Variants in TEX11 observed in about 807,000 individuals in gnomAD.
TEX11 encodes the protein testis-expressed protein 11.
TEX11 carries 7 observed loss-of-function variants against 84.4 expected under a neutral mutation model. That is an observed-to-expected ratio of 0.08 (90% CI 0.05 to 0.16). The LOEUF (loss-of-function observed/expected upper bound fraction) is 0.16. TEX11 is among the 10% of genes least tolerant of loss of function. The probability of loss-of-function intolerance (pLI) is 1.00; values close to 1 mark genes in which losing one functional copy is unlikely to be tolerated. For synonymous variants in TEX11, 264 were observed against 222.8 expected (o/e 1.18, Z -1.64); for missense variants, 551 against 660.5 (o/e 0.83, Z 1.82).
chrX:70,629,701 T>C lies in TEX11; in HGVS notation c.1518A>G (p.Leu506=), dbSNP rs747503107. 2.5e-6 allele frequency: 3 copies of C among 1,183,767 alleles called. No individual in the cohort carries two copies. In the East Asian group the frequency reaches 9.0e-5, roughly 35 times the overall value. ...CATTATCTTCTGACTCTTCATCTGT[T>C]AATATATTCTCTAAAGTAATTATTG... The part of the protein sequence containing the change: ...LQAIITLENI[L]TDEESEDNDL... Residue 506 remains leucine, a synonymous_variant, in exon 18 of 30, where the codon TTA becomes TTG. Transcript: ENST00000374333.
chrX:70,751,411 C>T (rs1374147182), intron 9 of TEX11, among the ~76,000 whole-genome samples: 1 of 96,509 alleles, frequency 1.0e-5, no homozygotes, highest in Non-Finnish European at 2.0e-5. Context: ...CATGTTCTCA[C>T]TCATAGGTGG....
At chrX:70,619,816 C>CT (rs550244042) in intron 20 of TEX11, among the ~76,000 whole-genome samples, 369 of 100,322 alleles carry the variant, frequency 3.7e-3, no homozygotes, top group Middle Eastern at 0.01. Flanking sequence ...GTGCCAGTAT[C>CT]TTTTTTTTTT....
At chrX:70,553,121 C>T (rs187326602) in intron 27 of TEX11, among the ~76,000 whole-genome samples, 185 bp downstream of exon 27, 4 of 111,671 alleles carry the variant, frequency 3.6e-5, no homozygotes, top group African/African-American at 1.3e-4. Flanking sequence ...AAACCAAGCT[C>T]CTTGACTTTG....
intron 28 of TEX11, among the ~76,000 whole-genome samples, chrX:70,541,094 G>A (rs982160952): frequency 9.0e-6 from 1 of 110,960 alleles, no homozygotes; most frequent in Non-Finnish European, 1.9e-5. Context: ...GGGAGTTGAG[G>A]TGGGAGGATC....
chrX:70,552,274 C>T (rs760637222), intron 27 of TEX11, 28 bp from the exon 28 acceptor site: 15 of 1,196,100 alleles, frequency 1.3e-5, no homozygotes, highest in Non-Finnish European at 1.7e-5. Context: ...AAAACTCATC[C>T]CATAAGGAAA....
intron 11 of TEX11, among the ~76,000 whole-genome samples, chrX:70,731,643 A>G (rs1351097102): frequency 3.0e-4 from 33 of 110,952 alleles, no homozygotes; most frequent in East Asian, 5.7e-4. Flanking sequence ...AACAGGCTCT[A>G]AAATTGAGGC....
At chrX:70,620,265 A>T in intron 20 of TEX11, among the ~76,000 whole-genome samples, 1 of 111,733 alleles carries the variant, frequency 8.9e-6, no homozygotes, top group African/African-American at 3.3e-5. Flanking sequence ...CAAGGGTCCT[A>T]AAATCCTTGG....
chrX:70,559,072 A>T (rs1393031507), intron 25 of TEX11, among the ~76,000 whole-genome samples: 1 of 112,101 alleles, frequency 8.9e-6, no homozygotes, highest in Non-Finnish European at 1.9e-5. Context: ...CTAGGTATAC[A>T]CACACAAAAA....
intron 17 of TEX11, among the ~76,000 whole-genome samples, chrX:70,650,404 A>T (rs1002830510): frequency 8.9e-6 from 1 of 111,786 alleles, no homozygotes; most frequent in Non-Finnish European, 1.9e-5. Context: ...AATAATGTTA[A>T]AACAAAAGAT....
At chrX:70,681,887 T>G (rs1263790789) in intron 14 of TEX11, among the ~76,000 whole-genome samples, 1 of 111,585 alleles carries the variant, frequency 9.0e-6, no homozygotes, top group Non-Finnish European at 1.9e-5. Context: ...CTTTAAAAAA[T>G]TAATGACTTT....
At chrX:70,603,173 G>A (rs2089149729) in intron 24 of TEX11, among the ~76,000 whole-genome samples, 1 of 88,920 alleles carries the variant, frequency 1.1e-5, no homozygotes, top group Non-Finnish European at 2.2e-5. Flanking sequence ...AGCTACCAAT[G>A]ACTTTCTTCA....
intron 11 of TEX11, among the ~76,000 whole-genome samples, chrX:70,731,681 A>G (rs1197333217): frequency 9.0e-5 from 10 of 110,877 alleles, no homozygotes; most frequent in African/African-American, 3.3e-4. Flanking sequence ...CAACCAAAAA[A>G]AGTCCAGGAC....
intron 28 of TEX11, among the ~76,000 whole-genome samples, chrX:70,539,245 G>C (rs1192973399): frequency 9.4e-6 from 1 of 106,950 alleles, no homozygotes. Context: ...ATGATGGCCA[G>C]GCTGGTTTTG....
chrX:70,647,821 T>G lies in TEX11; in HGVS notation c.1483+3629A>C, dbSNP rs773981425. 8.1e-5 allele frequency among the ~76,000 whole-genome samples: 9 copies of G among 111,790 alleles called. No individual in the cohort carries two copies. In the East Asian group the frequency reaches 2.0e-3, roughly 24 times the overall value. ...CACTTTTACACTGTTGGTGGGACTG[T>G]AAACTAGTTCAACCATTGTGGAAGT... is the stretch of plus-strand genomic sequence containing the variant. On this transcript the variant is annotated intron_variant, in intron 17 of 29. Coordinates refer to ENST00000374333, the MANE Select transcript of TEX11 (RefSeq NM_031276.3).
intron 7 of TEX11, among the ~76,000 whole-genome samples, chrX:70,846,898 T>C (rs1476284311): frequency 9.1e-6 from 1 of 110,115 alleles, no homozygotes; most frequent in Non-Finnish European, 1.9e-5. Context: ...CACTACAACC[T>C]AGGCAACAGA....
At chrX:70,578,032 T>C in intron 25 of TEX11, among the ~76,000 whole-genome samples, 1 of 111,705 alleles carries the variant, frequency 9.0e-6, no homozygotes, top group Non-Finnish European at 1.9e-5. Context: ...CCAGCCAAGG[T>C]TATATCTTAA....
At chrX:70,712,582 C>T (rs1367291173) in intron 13 of TEX11, among the ~76,000 whole-genome samples, 1 of 111,179 alleles carries the variant, frequency 9.0e-6, no homozygotes, top group African/African-American at 3.3e-5. Flanking sequence ...CATGATTTGG[C>T]TCTCTGTTTG....
chrX:70,555,619 G>C (rs1302336538), intron 25 of TEX11, among the ~76,000 whole-genome samples: 3 of 111,799 alleles, frequency 2.7e-5, no homozygotes, highest in East Asian at 5.6e-4. Context: ...ATTTTCATGA[G>C]GAATCTTGGT....
chrX:70,679,146 G>A lies in TEX11; in HGVS notation c.1157-257C>T, dbSNP rs954591783. On this transcript the variant is annotated intron_variant, in intron 14 of 29. Coordinates refer to ENST00000374333, the MANE Select transcript of TEX11 (RefSeq NM_031276.3). The stretch of plus-strand genomic sequence containing the variant: ...GGTGGAGACGAGGTTTCGCTGTGTT[G>A]GCTGGGCTGGTCTCCAGCTCCTAAC... Among the ~76,000 whole-genome samples the A allele has an allele frequency of 1.1e-3, 119 of 112,829 alleles. 1 individual carries two copies. Among genetic ancestry groups the A allele is most frequent in the Non-Finnish European group, 1.9e-3 (101 of 53,271 alleles).
Sources: allele counts gnomAD v4.1 joint callset (sites outside exome capture counted in the v4.1 genomes callset), GRCh38; gene constraint gnomAD v4.1.1; transcripts MANE v1.5; gene names NCBI Gene and HGNC (gene_info 2026-07-23, HGNC 2026-07-21).